The following NDE1 variants were observed in gnomAD, a reference collection of about 807,000 sequenced individuals.
NDE1 encodes nudE neurodevelopment protein 1.
NDE1 carries 28 observed loss-of-function variants against 43.4 expected under a neutral mutation model. The ratio of observed to expected loss-of-function variants is 0.65; its 90% CI spans 0.48 to 0.89. The LOEUF is 0.89. NDE1 is among the 40% of genes least tolerant of loss of function. NDE1 has a pLI of 0.00. For synonymous variants in NDE1, 184 were observed against 172.0 expected (o/e 1.07, Z -0.55); for missense variants, 441 against 434.1 (o/e 1.02, Z -0.14).
chr16:15,667,169 C>G, intron 2 of NDE1, 117 bp from the exon 3 acceptor site: 2 of 1,208,508 alleles, frequency 1.7e-6, no homozygotes, highest in Non-Finnish European at 2.5e-6. Context: ...TCGCTTGAAC[C>G]TGGAAAGCAG....
At chr16:15,690,357 TTTTTTTTTTTTTTTTTTTTTTTTTG>T (rs1567652218) in intron 5 of NDE1, among the ~76,000 whole-genome samples, 2 of 90,970 alleles carry the variant, frequency 2.2e-5, no homozygotes, top group African/African-American at 1.2e-4. Context: ...TTTTTTCTTT[TTTTTTTTTTTTTTTTTTTTTTTTTG>T]AGCCAGAGGT....
intron 4 of NDE1, among the ~76,000 whole-genome samples, chr16:15,679,053 G>A (rs1211984195): frequency 2.6e-5 from 4 of 152,014 alleles, no homozygotes; most frequent in Admixed American, 6.6e-5. Context: ...CTCCAGCCTG[G>A]GTGACAGAGC....
chr16:15,721,792 C>A, intron 8 of NDE1: 1 of 722,326 alleles, frequency 1.4e-6, no homozygotes, highest in Non-Finnish European at 2.4e-6. Context: ...AATCATCTGG[C>A]GTTCTGACTT....
chr16:15,672,441 C>T (rs1374046154), intron 3 of NDE1, among the ~76,000 whole-genome samples: 3 of 151,998 alleles, frequency 2.0e-5, no homozygotes, highest in Non-Finnish European at 4.4e-5. Context: ...GCACACAGCA[C>T]AGTGAAGAAA....
chr16:15,721,862 GTGTT>G (rs766993620), intron 8 of NDE1, among the ~76,000 whole-genome samples: 11 of 152,072 alleles, frequency 7.2e-5, no homozygotes, highest in East Asian at 1.9e-4. Context: ...GTTGGTTTGT[GTGTT>G]TGTTTGTTTT....
intron 4 of NDE1, among the ~76,000 whole-genome samples, chr16:15,681,253 CTTTTTTTTTT>C (rs71134448): frequency 9.5e-5 from 3 of 31,428 alleles, no homozygotes; most frequent in Non-Finnish European, 1.6e-4. Context: ...TAAACACTGC[CTTTTTTTTTT>C]TTTTTTTTTT....
intron 4 of NDE1, among the ~76,000 whole-genome samples, chr16:15,678,404 C>T (rs920231681): frequency 7.2e-4 from 109 of 152,058 alleles, no homozygotes; most frequent in African/African-American, 2.4e-3. Flanking sequence ...GAGTCTCTGT[C>T]GCCAGGTTGG....
chr16:15,672,222 C>G (rs1431142462), intron 3 of NDE1, among the ~76,000 whole-genome samples: 1 of 151,966 alleles, frequency 6.6e-6, no homozygotes, highest in Non-Finnish European at 1.5e-5. Context: ...ATCATGAGGT[C>G]AAGAGATTGA....
chr16:15,666,887 GCCCTTCCTA>G (rs1451049985), intron 2 of NDE1, among the ~76,000 whole-genome samples: 1 of 152,286 alleles, frequency 6.6e-6, no homozygotes, highest in East Asian at 1.9e-4. Context: ...ACTGTACCCA[GCCCTTCCTA>G]CTTTCTTTAT....
At position 15,718,187 on chromosome 16, in the gene NDE1, C is replaced by T. The variant is rs1396874250; in HGVS notation, c.948-6004C>T. The T allele has an allele frequency of 5.4e-6, 8 of 1,481,420 alleles. No homozygotes were observed. The Admixed American group carries it at 1.0e-4, about 19-fold the overall frequency. The allele number at this position is 1,481,420 out of a possible 1,614,324, so 91.8% of individuals were successfully genotyped here. ...GCCCTGGATCTCTACTCTCAGGCCC[C>T]ACCACCCTCTTGTCCCTCAATCCAG... On this transcript the variant is annotated intron_variant, in intron 8 of 8. Transcript: ENST00000396354.
At chr16:15,685,050 TAAC>T (rs1392537333) in intron 4 of NDE1, among the ~76,000 whole-genome samples, 1 of 152,228 alleles carries the variant, frequency 6.6e-6, no homozygotes, top group Non-Finnish European at 1.5e-5. Flanking sequence ...TTTATCAGTT[TAAC>T]TTGTGGAGAA....
At chr16:15,649,969 G>C (rs2036412980), upstream of NDE1, among the ~76,000 whole-genome samples, 1 of 152,224 alleles carries the variant, frequency 6.6e-6, no homozygotes, top group East Asian at 1.9e-4. Context: ...CCCGTTTCCC[G>C]GGTGTCCAGG....
intron 8 of NDE1, chr16:15,718,667 C>A: frequency 1.6e-6 from 1 of 613,972 alleles, no homozygotes; most frequent in Non-Finnish European, 2.8e-6. Flanking sequence ...GACCAGCACA[C>A]TCCTCCCTGA....
chr16:15,694,660 G>A, intron 7 of NDE1: 1 of 985,320 alleles, frequency 1.0e-6, no homozygotes, highest in South Asian at 4.7e-5. Context: ...TTTCATAGCA[G>A]TGTGGTGAGT....
chr16:15,670,139 G>C (rs910765818), intron 3 of NDE1, among the ~76,000 whole-genome samples: 9 of 152,130 alleles, frequency 5.9e-5, no homozygotes, highest in Non-Finnish European at 8.8e-5. Flanking sequence ...TCTGGGTGGG[G>C]CCCTGGCATG....
At chr16:15,689,341 T>A (rs1271721963) in intron 5 of NDE1, among the ~76,000 whole-genome samples, 1 of 151,982 alleles carries the variant, frequency 6.6e-6, no homozygotes, top group Non-Finnish European at 1.5e-5. Flanking sequence ...ATGAAAATTG[T>A]AAAAATTAGG....
upstream of NDE1, chr16:15,650,244 C>CGCAGCCGCCTCT: frequency 3.4e-6 from 1 of 290,216 alleles, no homozygotes; most frequent in Non-Finnish European, 7.0e-6. Context: ...CACCGCCCTT[C>CGCAGCCGCCTCT]GCAGCCGCCT....
intron 3 of NDE1, among the ~76,000 whole-genome samples, chr16:15,671,431 G>T (rs913671865): frequency 9.9e-5 from 15 of 152,130 alleles, no homozygotes; most frequent in Non-Finnish European, 2.2e-4. Context: ...CATTGCTTGA[G>T]CCCAGGAGGT....
Position 15,725,141 on chromosome 16 carries a change from AAAAAAAAACACACACACACAC to A in NDE1, c.*901_*921del. On this transcript the variant is annotated 3_prime_UTR_variant, in exon 9 of 9. Transcript: ENST00000396354. ...TGAGGTATGGGACTCTGATAAAAAA[AAAAAAAAACACACACACACAC>A]AAAAAAAACAGAATCTGTGGCTTGA... 1.5e-6 allele frequency: 1 copy of A among 663,498 alleles called. No homozygotes were observed. The highest frequency in any genetic ancestry group is 2.6e-6 in the Non-Finnish European group (1 of 380,432). The allele number at this position is 663,498 out of a possible 1,614,324, so 41.1% of individuals were successfully genotyped here.
Sources: gnomAD v4.1 joint callset for allele counts (sites outside exome capture counted in the v4.1 genomes callset) on GRCh38, gnomAD v4.1.1 for gene constraint, MANE v1.5 for transcripts, NCBI Gene and HGNC (gene_info 2026-07-23, HGNC 2026-07-21) for gene names.